Variants in AP1S3 observed in about 807,000 individuals in gnomAD.
The protein encoded by AP1S3 is AP-1 complex subunit sigma-3.
AP1S3 carries 10 observed loss-of-function variants against 20.9 expected under a neutral mutation model. The observed-to-expected ratio is 0.48, with a 90% confidence interval of 0.29 to 0.81. AP1S3 has a LOEUF of 0.81. AP1S3 is among the 30% of genes least tolerant of loss of function. The pLI is 0.08. For missense variants in AP1S3, 154 were observed against 183.8 expected (o/e 0.84, Z 0.94); for synonymous variants, 41 against 61.5 (o/e 0.67, Z 1.56).
Position 223,766,698 on chromosome 2 carries a change from T to G in AP1S3, c.292-1348A>C, listed in dbSNP as rs148511376. 7.1e-3 allele frequency among the ~76,000 whole-genome samples: 1,078 copies of G among 152,290 alleles called. 10 individuals carry two copies. The highest frequency in any genetic ancestry group is 0.025 in the African/African-American group (1,028 of 41,548). ...AATACCATTTGACCCGGCAATCCCA[T>G]TACTGGGTATATACCAAAGGATTAT... On this transcript the variant is annotated intron_variant, in intron 3 of 4. Coordinates refer to ENST00000396654, the MANE Select transcript of AP1S3 (RefSeq NM_001039569.2).
chr2:223,780,293 A>ATG (rs1690894322), intron 1 of AP1S3, among the ~76,000 whole-genome samples: 1 of 45,436 alleles, frequency 2.2e-5, no homozygotes, highest in South Asian at 1.1e-3. Flanking sequence ...ATATATATAT[A>ATG]TATATATATA....
intron 4 of AP1S3, 30 bp from the exon 5 acceptor site, chr2:223,758,780 T>C: frequency 6.3e-7 from 1 of 1,595,682 alleles, no homozygotes; most frequent in Non-Finnish European, 8.6e-7. Context: ...TAGAACAATT[T>C]TCCCTTTAAG....
At chr2:223,822,453 G>C (rs1692011415) in intron 1 of AP1S3, among the ~76,000 whole-genome samples, 1 of 152,060 alleles carries the variant, frequency 6.6e-6, no homozygotes, top group Non-Finnish European at 1.5e-5. Flanking sequence ...GGGAGGCTGA[G>C]GTGGGTGGAT....
intron 1 of AP1S3, among the ~76,000 whole-genome samples, chr2:223,833,390 G>T (rs1191822257): frequency 6.6e-6 from 1 of 152,110 alleles, no homozygotes; most frequent in East Asian, 1.9e-4. Flanking sequence ...AAGTGCAATA[G>T]CCCTAACACT....
At chr2:223,807,358 C>A (rs1047088503) in intron 1 of AP1S3, among the ~76,000 whole-genome samples, 1 of 152,124 alleles carries the variant, frequency 6.6e-6, no homozygotes, top group Non-Finnish European at 1.5e-5. Context: ...TTCTGGACAG[C>A]TAGAAATAGA....
At position 223,801,270 on chromosome 2, in the gene AP1S3, G is replaced by C. The variant is rs149429168; in HGVS notation, c.4-23401C>G. On this transcript the variant is annotated intron_variant, in intron 1 of 4. Coordinates refer to ENST00000396654, the MANE Select transcript of AP1S3 (RefSeq NM_001039569.2). Reference sequence around the variant, plus strand: ...AGGGCTTAAAAAAGTTAAGTACCTTGTTCCAGATCGACGAGCTAGAAGGTT... The same window carrying C: ...AGGGCTTAAAAAAGTTAAGTACCTTCTTCCAGATCGACGAGCTAGAAGGTT... 7.1e-3 allele frequency among the ~76,000 whole-genome samples: 1,080 copies of C among 152,248 alleles called. 6 individuals are homozygous for C. Among genetic ancestry groups the C allele is most frequent in the Middle Eastern group, 0.014 (4 of 292 alleles).
intron 3 of AP1S3, among the ~76,000 whole-genome samples, chr2:223,775,631 A>C (rs944898957): frequency 6.6e-6 from 1 of 152,198 alleles, no homozygotes; most frequent in African/African-American, 2.4e-5. Flanking sequence ...GCTTGAGGCC[A>C]AGAGTTCAAG....
intron 1 of AP1S3, among the ~76,000 whole-genome samples, chr2:223,778,707 TTTC>T: frequency 6.6e-6 from 1 of 151,140 alleles, no homozygotes. Flanking sequence ...GCTTTTTTTT[TTTC>T]TTTTGAGACA....
In AP1S3 at chr2:223,758,151, AT is replaced by A. The variant is rs892048286; in HGVS notation, c.*563del. On this transcript the variant is annotated 3_prime_UTR_variant, in exon 5 of 5. Transcript: ENST00000396654. The stretch of plus-strand genomic sequence containing the variant: ...TTTCATAATCCCAATTCTAAAAAAA[AT>A]AAATGAATTCAGCACATTAAAATCA... 80 of 914,534 alleles carry A rather than the reference AT, an allele frequency of 8.7e-5. No homozygotes were observed. Among genetic ancestry groups the A allele is most frequent in the Middle Eastern group, 1.1e-3 (2 of 1,754 alleles). 56.7% of individuals were successfully genotyped at this position (914,534 alleles called of 1,614,324 possible). A position where few individuals can be genotyped will look rare whatever the true frequency, so the allele number is the denominator to read the frequency against.
intron 1 of AP1S3, among the ~76,000 whole-genome samples, chr2:223,780,308 T>TATAG (rs1690902266): frequency 1.6e-5 from 1 of 62,046 alleles, no homozygotes; most frequent in African/African-American, 7.5e-5. Context: ...TATATATATA[T>TATAG]AGAGAGAGAG....
Position 223,756,422 on chromosome 2 carries a change from A to AGG in AP1S3, c.*2292_*2293insCC, listed in dbSNP as rs1690219886. 1.6e-6 allele frequency: 1 copy of AGG among 630,650 alleles called. No individual in the cohort carries two copies. Among genetic ancestry groups the AGG allele is most frequent in the African/African-American group, 2.2e-5 (1 of 44,670 alleles). The allele number at this position is 630,650 out of a possible 1,614,324, so 39.1% of individuals were successfully genotyped here. On this transcript the variant is annotated 3_prime_UTR_variant, in exon 5 of 5. Coordinates refer to ENST00000396654, the MANE Select transcript of AP1S3 (RefSeq NM_001039569.2). ...GGAAGGAAGGGAGGGAAGGAGAGAG[A>AGG]GAGAAGAAGGAAGGAAGAAAGGAAG...
intron 1 of AP1S3, among the ~76,000 whole-genome samples, chr2:223,787,386 C>G (rs1691102161): frequency 1.3e-5 from 2 of 152,222 alleles, no homozygotes; most frequent in South Asian, 4.1e-4. Flanking sequence ...TCCTGGGTCT[C>G]AACCCTTCAG....
At chr2:223,779,184 A>T (rs1690862364) in intron 1 of AP1S3, among the ~76,000 whole-genome samples, 1 of 152,236 alleles carries the variant, frequency 6.6e-6, no homozygotes, top group African/African-American at 2.4e-5. Flanking sequence ...ATTTGAAATA[A>T]TGGTAATGAA....
At chr2:223,790,046 GAAC>G (rs1691178266) in intron 1 of AP1S3, among the ~76,000 whole-genome samples, 1 of 152,040 alleles carries the variant, frequency 6.6e-6, no homozygotes, top group South Asian at 2.1e-4. Context: ...CGAAACTTCA[GAAC>G]AACCAGGACA....
chr2:223,766,250 T>C (rs1439649561), intron 3 of AP1S3, among the ~76,000 whole-genome samples: 1 of 152,240 alleles, frequency 6.6e-6, no homozygotes, highest in Non-Finnish European at 1.5e-5. Context: ...CGTCTGTTCA[T>C]ATCCTTCGCC....
Position 223,781,019 on chromosome 2 carries a change from G to A in AP1S3, c.4-3150C>T, listed in dbSNP as rs142984961. Among the ~76,000 whole-genome samples, 54 of 151,662 alleles carry A rather than the reference G, an allele frequency of 3.6e-4. No homozygotes were observed. The East Asian group carries it at 9.2e-3, about 26-fold the overall frequency. On this transcript the variant is annotated intron_variant, in intron 1 of 4. Transcript: ENST00000396654. ...TGTAAGTATCCAGTGTTTAGCTCCCGCTTGTGAGAACATGCAATATTTGGT... is the reference window on the plus strand; with the variant it reads ...TGTAAGTATCCAGTGTTTAGCTCCCACTTGTGAGAACATGCAATATTTGGT...
intron 1 of AP1S3, among the ~76,000 whole-genome samples, chr2:223,833,572 T>C (rs912128017): frequency 1.3e-5 from 2 of 152,196 alleles, no homozygotes; most frequent in African/African-American, 2.4e-5. Context: ...TGTAAAGTAC[T>C]AGGTGCCTAG....
At chr2:223,816,870 G>C (rs544116877) in intron 1 of AP1S3, among the ~76,000 whole-genome samples, 1 of 152,346 alleles carries the variant, frequency 6.6e-6, no homozygotes, top group South Asian at 2.1e-4. Flanking sequence ...GCTCATTCCT[G>C]TAATCCCAGC....
chr2:223,773,247 A>T, intron 3 of AP1S3: 1 of 1,281,402 alleles, frequency 7.8e-7, no homozygotes, highest in South Asian at 1.3e-5. Flanking sequence ...AATCTAGGAA[A>T]ATACAACAGG....
Sources: gnomAD v4.1 joint callset for allele counts (sites outside exome capture counted in the v4.1 genomes callset) on GRCh38, gnomAD v4.1.1 for gene constraint, MANE v1.5 for transcripts, NCBI Gene and HGNC (gene_info 2026-07-23, HGNC 2026-07-21) for gene names.